The following AGBL1 variants were observed in gnomAD, a reference collection of about 807,000 sequenced individuals.
AGBL1 encodes cytosolic carboxypeptidase 4.
In AGBL1, 130 loss-of-function variants were observed where a neutral mutation model predicts 118.9. That is an observed-to-expected ratio of 1.09 (90% CI 0.95 to 1.26). The LOEUF is 1.26. Among genes scored for constraint, AGBL1 ranks in the 50% most tolerant of loss-of-function variants. The probability of loss-of-function intolerance (pLI) is 0.00; values close to 1 mark genes in which losing one functional copy is unlikely to be tolerated. For missense variants in AGBL1, 1,584 were observed against 1,298.1 expected, an observed-to-expected ratio of 1.22 and a Z score of -3.38; for synonymous variants, 555 against 478.9, an observed-to-expected ratio of 1.16 and a Z score of -2.08.
chr15:86,843,400 G>A (rs967292857), intron 22 of AGBL1, among the ~76,000 whole-genome samples: 1 of 152,054 alleles, frequency 6.6e-6, no homozygotes, highest in Non-Finnish European at 1.5e-5. Flanking sequence ...GTTAAGGCAA[G>A]AAGGGTAAGG....
At chr15:86,705,620 G>C (rs556966775) in intron 22 of AGBL1, among the ~76,000 whole-genome samples, 31 of 152,302 alleles carry the variant, frequency 2.0e-4, no homozygotes, top group African/African-American at 7.5e-4. Flanking sequence ...TTATGGGGAT[G>C]TAAGCATTAT....
intron 1 of AGBL1, among the ~76,000 whole-genome samples, chr15:86,082,251 G>A (rs1355440189): frequency 6.6e-6 from 1 of 152,210 alleles, no homozygotes; most frequent in Admixed American, 6.5e-5. Context: ...GCTCCCCATG[G>A]ACTTAAACTA....
intron 22 of AGBL1, among the ~76,000 whole-genome samples, chr15:86,899,486 C>A (rs534029361): frequency 2.0e-5 from 3 of 152,074 alleles, no homozygotes; most frequent in Admixed American, 6.6e-5. Flanking sequence ...CCCCATGACA[C>A]AAGTTTACCT....
chr15:86,211,698 G>A (rs2078101389), intron 5 of AGBL1, among the ~76,000 whole-genome samples: 2 of 152,316 alleles, frequency 1.3e-5, no homozygotes, highest in African/African-American at 2.4e-5. Context: ...CATTGGAAAA[G>A]CACAGTATTT....
At chr15:86,090,133 A>G (rs1895925893) in intron 1 of AGBL1, among the ~76,000 whole-genome samples, 1 of 152,174 alleles carries the variant, frequency 6.6e-6, no homozygotes, top group Non-Finnish European at 1.5e-5. Context: ...TAGATAAAGA[A>G]CACCAGGTAT....
At chr15:86,850,766 T>C (rs1388011795) in intron 22 of AGBL1, among the ~76,000 whole-genome samples, 1 of 152,208 alleles carries the variant, frequency 6.6e-6, no homozygotes, top group Non-Finnish European at 1.5e-5. Flanking sequence ...ATACTTGTCA[T>C]ATAGCAAGTA....
intron 21 of AGBL1, among the ~76,000 whole-genome samples, chr15:86,598,984 T>C (rs985407081): frequency 3.9e-5 from 6 of 152,082 alleles, no homozygotes; most frequent in Admixed American, 1.3e-4. Context: ...GGAGAGTGTA[T>C]AATATTCCAG....
chr15:86,146,490 C>T (rs1195435343), intron 3 of AGBL1, among the ~76,000 whole-genome samples: 4 of 152,188 alleles, frequency 2.6e-5, no homozygotes, highest in Non-Finnish European at 5.9e-5. Context: ...TGAGGGATGA[C>T]TCTACTTAAT....
chr15:86,476,712 A>T (rs1409912341), intron 18 of AGBL1, among the ~76,000 whole-genome samples: 1 of 152,202 alleles, frequency 6.6e-6, no homozygotes, highest in African/African-American at 2.4e-5. Flanking sequence ...AATTGAACTC[A>T]GCTCTGCACC....
At chr15:86,144,623 G>A (rs1250646274) in intron 3 of AGBL1, among the ~76,000 whole-genome samples, 1 of 152,068 alleles carries the variant, frequency 6.6e-6, no homozygotes, top group African/African-American at 2.4e-5. Flanking sequence ...GAGAACATAT[G>A]GACACACAGA....
chr15:86,510,996 G>A (rs1003159897), intron 18 of AGBL1, among the ~76,000 whole-genome samples: 5 of 152,044 alleles, frequency 3.3e-5, no homozygotes, highest in South Asian at 4.1e-4. Flanking sequence ...TCCCCAGAAT[G>A]TAAATTCCTG....
chr15:87,009,715 C>T (rs953401246), intron 24 of AGBL1, among the ~76,000 whole-genome samples: 7 of 152,210 alleles, frequency 4.6e-5, no homozygotes, highest in Admixed American at 1.3e-4. Context: ...TCCCCAAGGC[C>T]ATGGGAGCCC....
intron 22 of AGBL1, among the ~76,000 whole-genome samples, chr15:86,891,762 TCTC>T (rs1254823721): frequency 6.6e-6 from 1 of 152,082 alleles, no homozygotes; most frequent in Non-Finnish European, 1.5e-5. Flanking sequence ...TTTGTTAACT[TCTC>T]CTGGTCCCTT....
chr15:86,214,376 G>C (rs2078150888), intron 5 of AGBL1, among the ~76,000 whole-genome samples: 1 of 152,162 alleles, frequency 6.6e-6, no homozygotes, highest in Admixed American at 6.5e-5. Context: ...TAGTCAAATA[G>C]CAAACATTCT....
At chr15:86,460,318 C>CAAAAAAAA (rs1168019827) in intron 18 of AGBL1, among the ~76,000 whole-genome samples, 9 of 36,602 alleles carry the variant, frequency 2.5e-4, no homozygotes, top group African/African-American at 5.7e-4. Context: ...CCTATCTCTA[C>CAAAAAAAA]AAAAAAAAAA....
chr15:87,021,938 G>C (rs1020984206), intron 24 of AGBL1, among the ~76,000 whole-genome samples: 8 of 152,080 alleles, frequency 5.3e-5, no homozygotes, highest in Non-Finnish European at 1.2e-4. Context: ...TGGTATTCAC[G>C]GCTGACAGAC....
chr15:86,888,747 G>A (rs2080008042), intron 22 of AGBL1, among the ~76,000 whole-genome samples: 1 of 152,146 alleles, frequency 6.6e-6, no homozygotes, highest in South Asian at 2.1e-4. Flanking sequence ...TCATGTCTAT[G>A]TACCTCTAGC....
chr15:86,339,359 C>A (rs563718462), intron 17 of AGBL1, among the ~76,000 whole-genome samples: 1 of 152,278 alleles, frequency 6.6e-6, no homozygotes, highest in East Asian at 1.9e-4. Flanking sequence ...GTTTGCCCAG[C>A]TTCTTGAATC....
At chr15:86,653,129 T>A (rs2085403871) in intron 21 of AGBL1, among the ~76,000 whole-genome samples, 1 of 151,398 alleles carries the variant, frequency 6.6e-6, no homozygotes, top group Admixed American at 6.6e-5. Flanking sequence ...CCGAGTAGCC[T>A]TCTTGCACCG....
Sources: allele counts gnomAD v4.1 joint callset (sites outside exome capture counted in the v4.1 genomes callset), GRCh38; gene constraint gnomAD v4.1.1; transcripts MANE v1.5; gene names NCBI Gene and HGNC (gene_info 2026-07-23, HGNC 2026-07-21).